Variants in SCN10A observed in about 807,000 individuals in gnomAD.
The protein encoded by SCN10A is sodium voltage-gated channel alpha subunit 10.
Under a neutral mutation model 170.7 loss-of-function variants are expected in SCN10A, and 162 were observed. The ratio of observed to expected loss-of-function variants is 0.95; its 90% CI spans 0.84 to 1.08. The LOEUF (loss-of-function observed/expected upper bound fraction) is 1.08, where lower values mean the gene tolerates loss of function less well. SCN10A is among the 50% of genes least tolerant of loss of function. SCN10A has a pLI of 0.00. For synonymous variants in SCN10A, 985 were observed against 904.6 expected (o/e 1.09, Z -1.59); for missense variants, 2,527 against 2,436.9 (o/e 1.04, Z -0.78).
chr3:38,742,510 C>T lies in SCN10A; in HGVS notation c.1887G>A (p.Gln629=). 2 of 1,614,126 alleles carry T rather than the reference C, an allele frequency of 1.2e-6. No individual in the cohort carries two copies. Among genetic ancestry groups the T allele is most frequent in the Non-Finnish European group, 1.7e-6 (2 of 1,180,014 alleles). Residue 629 remains glutamine (Q), a synonymous_variant, in exon 14 of 28, where the codon CAG becomes CAA. Coordinates refer to ENST00000449082, the MANE Select transcript of SCN10A (RefSeq NM_006514.4). ...AGCTGGTCAAGCAGGGTGGGCACTT[C>T]TGTTCAGACTCCTCGAGTTCTGCAT... ...SVLEELEESE[Q]KCPPCLTSLS...
At position 38,796,195 on chromosome 3, in the gene SCN10A, T is replaced by C. The variant is rs191136511; in HGVS notation, c.-32-2153A>G. On this transcript the variant is annotated intron_variant, in intron 1 of 27. Transcript: ENST00000449082. ...AATACCTGCCTCTCTTCTATGTCTT[T>C]TTACTGCCATTAGCCCCAAATAGCC... 1.6e-4 allele frequency among the ~76,000 whole-genome samples: 24 copies of C among 152,280 alleles called. 1 individual carries two copies. Among genetic ancestry groups the C allele is most frequent in the Admixed American group, 1.6e-3 (24 of 15,276 alleles).
At chr3:38,711,359 G>A (rs2063272235) in intron 23 of SCN10A, among the ~76,000 whole-genome samples, 1 of 152,184 alleles carries the variant, frequency 6.6e-6, no homozygotes, top group Admixed American at 6.5e-5. Context: ...CATTCTTGAG[G>A]TCTAGAAACT....
rs1053499924 is a variant in SCN10A, at chr3:38,789,029, T to G, written c.397A>C (p.Ser133Arg). Residue 133 changes from serine (S) to arginine (R), a missense_variant, in exon 4 of 28, where the codon AGT (serine) becomes CGT (arginine). Ser to Arg is a moderately radical substitution (Grantham distance 110). Coordinates refer to ENST00000449082, the MANE Select transcript of SCN10A (RefSeq NM_006514.4). Reference sequence around the variant, plus strand: ...AAAATAGTGACCGTAATAAATAAACTGAACCACCTGAAAGGCCTGTGTTAA... The same window carrying G: ...AAAATAGTGACCGTAATAAATAAACGGAACCACCTGAAAGGCCTGTGTTAA... ...AIKVSVHSWFSLFITVTILVN... is the reference protein window; with the variant it reads ...AIKVSVHSWFRLFITVTILVN... The G allele has an allele frequency of 6.2e-7, 1 of 1,607,130 alleles. No homozygotes were observed. Among genetic ancestry groups the G allele is most frequent in the Non-Finnish European group, 8.5e-7 (1 of 1,174,050 alleles).
chr3:38,800,381 G>A (rs535214812), intron 1 of SCN10A, among the ~76,000 whole-genome samples: 76 of 152,292 alleles, frequency 5.0e-4, no homozygotes, highest in African/African-American at 1.7e-3. Flanking sequence ...GGCCCAGGGG[G>A]CCCCATTTTT....
In SCN10A at chr3:38,722,405, A is replaced by G; in HGVS notation, c.3360T>C (p.Ile1120=). 6.2e-7 allele frequency: 1 copy of G among 1,613,518 alleles called. No individual in the cohort carries two copies. The highest frequency in any genetic ancestry group is 8.5e-7 in the Non-Finnish European group (1 of 1,179,764). ...EPDDCFTEGC[I]RHCPCCKLDT... The stretch of plus-strand genomic sequence containing the variant: ...CCAGTTTGCAGCAGGGACAGTGGCG[A>G]ATGCATCCTGTGGGGAGAGGTGACT... Residue 1120 remains isoleucine (I), a synonymous_variant, in exon 20 of 28, where the codon ATT becomes ATC. Transcript: ENST00000449082.
intron 4 of SCN10A, among the ~76,000 whole-genome samples, chr3:38,786,664 C>T (rs1489099939): frequency 2.0e-5 from 3 of 151,872 alleles, no homozygotes; most frequent in Non-Finnish European, 4.4e-5. Context: ...TTTCACAAAG[C>T]AAGTGAGGTG....
At chr3:38,795,519 T>A (rs1268416685) in intron 1 of SCN10A, among the ~76,000 whole-genome samples, 1 of 151,782 alleles carries the variant, frequency 6.6e-6, no homozygotes, top group South Asian at 2.1e-4. Context: ...TTGAAAAAAT[T>A]TTTTTGTAGG....
intron 1 of SCN10A, among the ~76,000 whole-genome samples, chr3:38,814,041 T>TAC (rs976801075): frequency 2.6e-5 from 4 of 152,016 alleles, no homozygotes; most frequent in African/African-American, 9.7e-5. Flanking sequence ...GGGAGAGAGA[T>TAC]ACATACAGGC....
rs6771157 is a variant in SCN10A, at chr3:38,722,372, G to T, written c.3393C>A (p.Thr1131=). The change falls in exon 20 of 28, where the codon ACC becomes ACA. Residue 1131 remains threonine (T), a synonymous_variant. Transcript: ENST00000449082. ...GCCAGCCCACATCCCATGGACTCTT[G>T]GTGGTATCCAGTTTGCAGCAGGGAC... is the stretch of plus-strand genomic sequence containing the variant. ...RHCPCCKLDT[T]KSPWDVGWQV... is the part of the protein sequence containing the mutation. 1.9e-6 allele frequency: 3 copies of T among 1,613,896 alleles called. No homozygotes were observed. Among genetic ancestry groups the T allele is most frequent in the Non-Finnish European group, 1.7e-6 (2 of 1,179,964 alleles).
At chr3:38,760,790 C>T (rs1203870881) in intron 7 of SCN10A, 43 bp from the exon 8 acceptor site, 1 of 1,502,038 alleles carries the variant, frequency 6.7e-7, no homozygotes, top group South Asian at 1.1e-5. Flanking sequence ...TGGTTCTGAA[C>T]CCTCCAACCC....
In SCN10A at chr3:38,713,988, C is replaced by T. The variant is rs1350457609; in HGVS notation, c.3774G>A (p.Leu1258=). ...ALRTLRALRP[L]RALSRFEGMR... is the part of the protein sequence containing the mutation. ...TGCCTTCAAATCGAGAAAGAGCCCG[C>T]AGTGGCCGCAGAGCGCGAAGGGTTC... The change falls in exon 22 of 28, where the codon CTG becomes CTA. Residue 1258 remains leucine (L), a synonymous_variant. Transcript: ENST00000449082. 6.2e-7 allele frequency: 1 copy of T among 1,613,942 alleles called. No homozygotes were observed. Among genetic ancestry groups the T allele is most frequent in the Non-Finnish European group, 8.5e-7 (1 of 1,180,042 alleles).
chr3:38,734,463 C>T (rs976826450), intron 15 of SCN10A, among the ~76,000 whole-genome samples: 4 of 152,142 alleles, frequency 2.6e-5, no homozygotes, highest in African/African-American at 9.7e-5. Context: ...TTTTAGCAAA[C>T]TAAATCTTCC....
intron 21 of SCN10A, 94 bp downstream of exon 21, chr3:38,718,559 G>T: frequency 7.5e-7 from 1 of 1,338,576 alleles, no homozygotes; most frequent in Non-Finnish European, 1.0e-6. Context: ...AGTAGCCCTT[G>T]AGGGCCAGGT....
Position 38,728,589 on chromosome 3 carries a change from T to C in SCN10A, c.2593A>G (p.Ile865Val), listed in dbSNP as rs1553617020. 5.0e-6 allele frequency: 8 copies of C among 1,610,274 alleles called. No individual in the cohort carries two copies. The highest frequency in any genetic ancestry group is 1.7e-6 in the Non-Finnish European group (2 of 1,177,076). The change falls in exon 16 of 28, where the codon ATA (isoleucine) becomes GTA (valine). Residue 865 changes from isoleucine (I) to valine (V), a missense_variant. Coordinates refer to ENST00000449082, the MANE Select transcript of SCN10A (RefSeq NM_006514.4). ...WACMEVGQKS[I>V]CLILFLTVMV... ...ACCGTCAAGAAAAGGATGAGGCATA[T>C]GGATTTTTGGCCAACTTCCATGCAG... is the stretch of plus-strand genomic sequence containing the variant.
Position 38,796,392 on chromosome 3 carries a change from C to T in SCN10A, c.-32-2350G>A, listed in dbSNP as rs149426839. Among the ~76,000 whole-genome samples the T allele has an allele frequency of 5.4e-3, 818 of 152,234 alleles. 6 individuals are homozygous for T. The highest frequency in any genetic ancestry group is 7.9e-3 in the Non-Finnish European group (539 of 68,018). ...CCAATCACTGTCATCTCACTGGCCT[C>T]GTATGTGTCATTTTGATTCCCCTTT... On this transcript the variant is annotated intron_variant, in intron 1 of 27. Transcript: ENST00000449082.
intron 26 of SCN10A, among the ~76,000 whole-genome samples, chr3:38,702,961 A>T (rs2063172201): frequency 6.6e-6 from 1 of 152,072 alleles, no homozygotes; most frequent in African/African-American, 2.4e-5. Context: ...CCACGCTTTG[A>T]CCTTCTCCCA....
At chr3:38,718,628 C>T (rs745698392) in intron 21 of SCN10A, 25 bp downstream of exon 21, 2 of 1,612,704 alleles carry the variant, frequency 1.2e-6, no homozygotes, top group Non-Finnish European at 1.7e-6. Context: ...CCCCAAACCC[C>T]ACGTGTTCCC....
At chr3:38,754,932 T>G (rs2063787234) in intron 11 of SCN10A, among the ~76,000 whole-genome samples, 1 of 152,108 alleles carries the variant, frequency 6.6e-6, no homozygotes, top group Admixed American at 6.5e-5. Context: ...GCAGATATTA[T>G]CTGTCAGACC....
chr3:38,722,486 A>G, intron 19 of SCN10A, 74 bp from the exon 20 acceptor site: 1 of 1,516,992 alleles, frequency 6.6e-7, no homozygotes, highest in African/African-American at 1.4e-5. Flanking sequence ...TGCTGCAGAG[A>G]AACCATTCTG....
Sources: allele counts gnomAD v4.1 joint callset (sites outside exome capture counted in the v4.1 genomes callset), GRCh38; gene constraint gnomAD v4.1.1; transcripts MANE v1.5; gene names NCBI Gene and HGNC (gene_info 2026-07-23, HGNC 2026-07-21).